EXOC6: variants seen among roughly 807,000 people sequenced by gnomAD.
The protein encoded by EXOC6 is SEC15-like 1.
A neutral mutation model predicts 112.5 loss-of-function variants in EXOC6; 60 were observed. That is an observed-to-expected ratio of 0.53 (90% confidence interval 0.43 to 0.66). The LOEUF is 0.66. Among genes scored for constraint, EXOC6 ranks in the 30% least tolerant of loss-of-function variants. The pLI is 0.00. For missense variants in EXOC6, 855 were observed against 957.1 expected, an observed-to-expected ratio of 0.89 and a Z score of 1.41; for synonymous variants, 295 against 308.0, an observed-to-expected ratio of 0.96 and a Z score of 0.44.
At chr10:92,871,218 G>C (rs772261537) in intron 1 of EXOC6, among the ~76,000 whole-genome samples, 4 of 152,072 alleles carry the variant, frequency 2.6e-5, no homozygotes, top group Non-Finnish European at 5.9e-5. Context: ...GAGTAGACTT[G>C]TGTAATGTTA....
chr10:93,007,458 C>A (rs1465175685), intron 19 of EXOC6, among the ~76,000 whole-genome samples: 1 of 151,990 alleles, frequency 6.6e-6, no homozygotes, highest in Admixed American at 6.6e-5. Flanking sequence ...CAAGACCAGC[C>A]TGGCCAACAT....
chr10:93,031,891 A>G (rs1408016610), intron 20 of EXOC6, among the ~76,000 whole-genome samples: 4 of 152,180 alleles, frequency 2.6e-5, no homozygotes, highest in Non-Finnish European at 4.4e-5. Flanking sequence ...ACAAATGCAC[A>G]TATCATGAAG....
chr10:93,024,197 A>G (rs1844913952), intron 20 of EXOC6, among the ~76,000 whole-genome samples: 2 of 152,172 alleles, frequency 1.3e-5, no homozygotes, highest in Admixed American at 6.5e-5. Flanking sequence ...GAAAATATGG[A>G]GAAGTTTAGG....
At position 92,974,700 on chromosome 10, in the gene EXOC6, C is replaced by T. The variant is rs936268164; in HGVS notation, c.1953+468C>T. On this transcript the variant is annotated intron_variant, in intron 18 of 21. Coordinates refer to ENST00000260762, the MANE Select transcript of EXOC6 (RefSeq NM_019053.6). ...CCTGCCTCAGCCTGCCGAGTGCCTG[C>T]GATTGCAGGCGCACGCCACCACGCC... 1.3e-4 allele frequency among the ~76,000 whole-genome samples: 20 copies of T among 152,288 alleles called. 1 individual carries two copies. Among genetic ancestry groups the T allele is most frequent in the South Asian group, 4.1e-4 (2 of 4,832 alleles).
In EXOC6 at chr10:92,962,386, T is replaced by A. The variant is rs148038188; in HGVS notation, c.1773+6672T>A. 2.7e-3 allele frequency among the ~76,000 whole-genome samples: 408 copies of A among 152,128 alleles called. 11 individuals carry two copies. In the East Asian group the frequency reaches 0.062, roughly 23 times the overall value. On this transcript the variant is annotated intron_variant, in intron 17 of 21. Coordinates refer to ENST00000260762, the MANE Select transcript of EXOC6 (RefSeq NM_019053.6). Reference sequence around the variant, plus strand: ...ATGTAATGTAAAAATGTTAAAAATATATATATATATGGTTTTTTTTTGAGA... The same window carrying A: ...ATGTAATGTAAAAATGTTAAAAATAAATATATATATGGTTTTTTTTTGAGA...
upstream of EXOC6, chr10:92,834,705 A>C (rs1317855582): frequency 3.2e-6 from 5 of 1,559,628 alleles, no homozygotes; most frequent in Non-Finnish European, 4.4e-6. Context: ...AATATCTGAC[A>C]TCTGCAGCTG....
chr10:92,879,977 CA>C (rs1208192393), intron 1 of EXOC6, among the ~76,000 whole-genome samples: 1 of 152,044 alleles, frequency 6.6e-6, no homozygotes, highest in Non-Finnish European at 1.5e-5. Flanking sequence ...AAAACCACTT[CA>C]AAAAATAGGG....
At chr10:92,897,460 C>A (rs535900819) in intron 4 of EXOC6, among the ~76,000 whole-genome samples, 19 of 152,272 alleles carry the variant, frequency 1.2e-4, no homozygotes, top group African/African-American at 4.6e-4. Context: ...GAAAATAAAT[C>A]TTGGGACCCC....
chr10:92,905,823 A>T (rs1397982185), intron 5 of EXOC6, among the ~76,000 whole-genome samples: 1 of 152,036 alleles, frequency 6.6e-6, no homozygotes, highest in East Asian at 1.9e-4. Context: ...TAGTTGTTGG[A>T]TGAAGTATTC....
At chr10:92,976,328 A>G (rs1328089951) in intron 18 of EXOC6, among the ~76,000 whole-genome samples, 1 of 152,228 alleles carries the variant, frequency 6.6e-6, no homozygotes, top group Non-Finnish European at 1.5e-5. Flanking sequence ...GTTCTGTACT[A>G]AGAAAAATAC....
chr10:92,929,776 A>G (rs946125038), intron 9 of EXOC6, among the ~76,000 whole-genome samples: 4 of 152,252 alleles, frequency 2.6e-5, no homozygotes, highest in African/African-American at 9.6e-5. Flanking sequence ...TGAAGAAACT[A>G]TGTGGAAGTA....
intron 1 of EXOC6, among the ~76,000 whole-genome samples, chr10:92,840,556 C>G (rs528319724): frequency 6.6e-6 from 1 of 152,218 alleles, no homozygotes; most frequent in South Asian, 2.1e-4. Context: ...AGTAAACAAT[C>G]ATGCATAACA....
chr10:92,925,040 TTTAA>T (rs1851638274), intron 8 of EXOC6, among the ~76,000 whole-genome samples: 1 of 152,230 alleles, frequency 6.6e-6, no homozygotes, highest in Non-Finnish European at 1.5e-5. Context: ...CTTGGTTGTA[TTTAA>T]TTATTTCCAA....
intron 20 of EXOC6, among the ~76,000 whole-genome samples, chr10:93,031,510 CTTTT>C (rs778524287): frequency 1.5e-4 from 20 of 130,446 alleles, no homozygotes; most frequent in African/African-American, 5.1e-4. Context: ...TTCTTTCTTT[CTTTT>C]TTTTTTTTTT....
chr10:92,891,100 G>C (rs1849477466), intron 1 of EXOC6, among the ~76,000 whole-genome samples: 1 of 152,202 alleles, frequency 6.6e-6, no homozygotes, highest in Non-Finnish European at 1.5e-5. Context: ...AGTCAAGGGT[G>C]AGTCCAAGGT....
chr10:93,038,323 A>G (rs569806825), intron 20 of EXOC6, among the ~76,000 whole-genome samples: 30 of 152,250 alleles, frequency 2.0e-4, no homozygotes, highest in African/African-American at 6.3e-4. Context: ...TGAATCTGAC[A>G]ACAGAGTTCT....
intron 1 of EXOC6, among the ~76,000 whole-genome samples, chr10:92,843,199 A>T (rs1303835542): frequency 2.0e-5 from 3 of 152,192 alleles, no homozygotes; most frequent in African/African-American, 7.2e-5. Flanking sequence ...CGATTCCTGC[A>T]CAGGGTTTTA....
chr10:92,861,917 G>A (rs896403402), intron 1 of EXOC6, among the ~76,000 whole-genome samples: 7 of 152,186 alleles, frequency 4.6e-5, no homozygotes, highest in African/African-American at 1.7e-4. Context: ...GAACAGGTTT[G>A]TGGATTTCCT....
chr10:92,951,563 G>C (rs903429381), intron 14 of EXOC6, among the ~76,000 whole-genome samples: 2 of 152,146 alleles, frequency 1.3e-5, no homozygotes, highest in South Asian at 4.1e-4. Context: ...TACTTTCACC[G>C]ATATAACAAG....
Sources: gnomAD v4.1 joint callset for allele counts (sites outside exome capture counted in the v4.1 genomes callset) on GRCh38, gnomAD v4.1.1 for gene constraint, MANE v1.5 for transcripts, NCBI Gene and HGNC (gene_info 2026-07-23, HGNC 2026-07-21) for gene names.